The following GNG4 variants were observed in gnomAD, a reference collection of about 807,000 sequenced individuals.
The protein encoded by GNG4 is G protein subunit gamma 4.
A neutral mutation model predicts 5.8 loss-of-function variants in GNG4; 4 were observed. The observed-to-expected ratio is 0.69, with a 90% CI of 0.34 to 1.57. The LOEUF (loss-of-function observed/expected upper bound fraction) is 1.57, where lower values mean the gene tolerates loss of function less well. Ranked by LOEUF, GNG4 falls within the 40% of genes most tolerant of loss-of-function variation. The probability of loss-of-function intolerance (pLI) is 0.06; values close to 1 mark genes in which losing one functional copy is unlikely to be tolerated. For missense variants in GNG4, 96 were observed against 95.1 expected (o/e 1.01, Z -0.04); for synonymous variants, 29 against 32.9 (o/e 0.88, Z 0.41).
chr1:235,552,385 G>A (rs1686778742), intron 3 of GNG4, 148 bp from the exon 4 acceptor site: 1 of 712,274 alleles, frequency 1.4e-6, no homozygotes, highest in East Asian at 2.7e-5. Flanking sequence ...CAGGCTGGAG[G>A]GAGGGTTTGT....
At chr1:235,626,679 C>A (rs1031935093) in intron 1 of GNG4, among the ~76,000 whole-genome samples, 1 of 152,148 alleles carries the variant, frequency 6.6e-6, no homozygotes, top group East Asian at 1.9e-4. Flanking sequence ...GAACACCAGG[C>A]CGGGCACGGT....
Position 235,642,215 on chromosome 1 carries a change from G to A in GNG4, c.-123+7447C>T, listed in dbSNP as rs1175634709. On this transcript the variant is annotated intron_variant, in intron 1 of 3. Transcript: ENST00000391854. This position sits in a 1 kb window ranked among gnomAD's most constrained non-coding sequence, Gnocchi z 4.3. ...GAGCGAGGCCCGGCAGGGGCGGGGT[G>A]AGCCTTGGCCCCGCTCCCGTGCAGG... is the stretch of plus-strand genomic sequence containing the variant. Among the ~76,000 whole-genome samples the A allele has an allele frequency of 2.6e-5, 4 of 152,254 alleles. No homozygotes were observed. The highest frequency in any genetic ancestry group is 5.9e-5 in the Non-Finnish European group (4 of 68,048).
intron 1 of GNG4, among the ~76,000 whole-genome samples, chr1:235,638,400 G>A (rs1301205914): frequency 6.6e-6 from 1 of 152,050 alleles, no homozygotes; most frequent in East Asian, 1.9e-4. Context: ...GGCTGTGGGT[G>A]GAAGCTCTGG....
intron 3 of GNG4, among the ~76,000 whole-genome samples, chr1:235,574,222 T>C (rs1003904425): frequency 6.6e-5 from 10 of 152,014 alleles, no homozygotes; most frequent in Non-Finnish European, 1.0e-4. Context: ...AATACAAAAA[T>C]TGTCCAGGCA....
At chr1:235,596,252 A>ACACC (rs1244930889) in intron 1 of GNG4, among the ~76,000 whole-genome samples, 26 of 117,712 alleles carry the variant, frequency 2.2e-4, no homozygotes, top group Admixed American at 5.2e-4. Context: ...ACACACACAC[A>ACACC]CCTGGCCGGG....
At chr1:235,584,928 T>A (rs866158805) in intron 2 of GNG4, among the ~76,000 whole-genome samples, 6 of 152,200 alleles carry the variant, frequency 3.9e-5, no homozygotes, top group African/African-American at 1.4e-4. Flanking sequence ...TGTATTAATT[T>A]AATTGAGTAT....
At chr1:235,596,918 G>C (rs1688137356) in intron 1 of GNG4, among the ~76,000 whole-genome samples, 1 of 151,248 alleles carries the variant, frequency 6.6e-6, no homozygotes, top group South Asian at 2.1e-4. Flanking sequence ...TTATTTTGTA[G>C]AGACGGAGTT....
At chr1:235,620,884 AGTT>A (rs1688697445) in intron 1 of GNG4, among the ~76,000 whole-genome samples, 3 of 152,196 alleles carry the variant, frequency 2.0e-5, no homozygotes, top group Non-Finnish European at 4.4e-5. Flanking sequence ...AGGAATAGCC[AGTT>A]GTTCTAAAGA....
At chr1:235,624,092 T>C (rs1047351705) in intron 1 of GNG4, among the ~76,000 whole-genome samples, 3 of 148,570 alleles carry the variant, frequency 2.0e-5, no homozygotes, top group African/African-American at 7.6e-5. Flanking sequence ...CTTCAGTCTG[T>C]GTGGCCAATT....
intron 1 of GNG4, among the ~76,000 whole-genome samples, chr1:235,631,220 T>A (rs1688925547): frequency 6.6e-6 from 1 of 152,072 alleles, no homozygotes; most frequent in African/African-American, 2.4e-5. Context: ...CTTTAACTGA[T>A]CAAGTATTTT....
At chr1:235,555,116 A>T (rs1686864875) in intron 3 of GNG4, among the ~76,000 whole-genome samples, 1 of 152,134 alleles carries the variant, frequency 6.6e-6, no homozygotes, top group Admixed American at 6.5e-5. Flanking sequence ...CACTATAATA[A>T]TCCATGTGTG....
In GNG4 at chr1:235,648,548, G is replaced by T. The variant is rs1232078415; in HGVS notation, c.-123+1114C>A. 2.6e-5 allele frequency among the ~76,000 whole-genome samples: 4 copies of T among 152,226 alleles called. No individual in the cohort carries two copies. In the East Asian group the frequency reaches 7.7e-4, roughly 29 times the overall value. On this transcript the variant is annotated intron_variant, in intron 1 of 3. Transcript: ENST00000391854. This position sits in a 1 kb window ranked among gnomAD's most constrained non-coding sequence, Gnocchi z 5.0. ...AAATCAGGAAAAGGAGTTGCGGGAG[G>T]AATCGAGAAGCCGGCCGCAGAGCCC... is the stretch of plus-strand genomic sequence containing the variant.
chr1:235,583,169 C>T (rs1687681282), intron 3 of GNG4, among the ~76,000 whole-genome samples: 1 of 152,216 alleles, frequency 6.6e-6, no homozygotes, highest in African/African-American at 2.4e-5. Flanking sequence ...ACATGCTTTG[C>T]CTGGCCTTCT....
chr1:235,600,018 A>G (rs1484978353), intron 1 of GNG4, among the ~76,000 whole-genome samples: 1 of 142,876 alleles, frequency 7.0e-6, no homozygotes, highest in African/African-American at 2.6e-5. Context: ...TATCATTGCT[A>G]TTTCTCAAAA....
chr1:235,590,943 G>C (rs2774316), intron 2 of GNG4, among the ~76,000 whole-genome samples: 52,383 of 151,958 alleles, frequency 0.34, 10,144 homozygotes, highest in East Asian at 0.79. Flanking sequence ...TGAATCACCT[G>C]AGGATTTTAA....
intron 3 of GNG4, among the ~76,000 whole-genome samples, chr1:235,573,616 A>C (rs992208927): frequency 2.0e-5 from 3 of 152,090 alleles, no homozygotes; most frequent in Non-Finnish European, 4.4e-5. Context: ...TCTCTACTAA[A>C]AATACAAAAA....
chr1:235,552,240 G>A lies in GNG4; in HGVS notation c.100-3C>T, dbSNP rs1014494358. On this transcript the variant is annotated splice_polypyrimidine_tract_variant and splice_region_variant and intron_variant, in intron 3 of 3. Transcript: ENST00000391854. ...AGGTCCGCAGCTGCCTGGGAGACCT[G>A]TGAGGGCACAGAGCACAGGTGCTCA... The A allele has an allele frequency of 1.2e-6, 2 of 1,613,722 alleles. No homozygotes were observed. Among genetic ancestry groups the A allele is most frequent in the Non-Finnish European group, 1.7e-6 (2 of 1,179,748 alleles).
intron 2 of GNG4, among the ~76,000 whole-genome samples, chr1:235,587,178 T>G (rs2102944985): frequency 7.8e-6 from 1 of 128,582 alleles, no homozygotes; most frequent in Non-Finnish European, 1.6e-5. Context: ...TGAGAGTGTG[T>G]GGGGGTGAGT....
chr1:235,580,843 TG>T (rs1687615879), intron 3 of GNG4, among the ~76,000 whole-genome samples: 1 of 144,256 alleles, frequency 6.9e-6, no homozygotes, highest in Admixed American at 7.3e-5. Context: ...CTCCACCTCC[TG>T]GGTTTAAGTG....
Sources: allele counts gnomAD v4.1 joint callset (sites outside exome capture counted in the v4.1 genomes callset), GRCh38; gene constraint gnomAD v4.1.1; non-coding constraint Gnocchi (gnomAD v3.1); transcripts MANE v1.5; gene names NCBI Gene and HGNC (gene_info 2026-07-23, HGNC 2026-07-21).